The following DLGAP1 variants were observed in gnomAD, a reference collection of about 807,000 sequenced individuals.
DLGAP1 encodes the protein disks large-associated protein 1.
DLGAP1 carries 11 observed loss-of-function variants against 90.8 expected under a neutral mutation model. The observed-to-expected ratio is 0.12, with a 90% CI of 0.08 to 0.20. The LOEUF (loss-of-function observed/expected upper bound fraction) is 0.20, where lower values mean the gene tolerates loss of function less well. DLGAP1 is among the 10% of genes least tolerant of loss of function. The pLI, the probability that DLGAP1 is intolerant of heterozygous loss-of-function variation, is 1.00. For missense variants in DLGAP1, 1,050 were observed against 1,333.8 expected, an observed-to-expected ratio of 0.79 and a Z score of 3.31; for synonymous variants, 558 against 540.7, an observed-to-expected ratio of 1.03 and a Z score of -0.44.
intron 7 of DLGAP1, among the ~76,000 whole-genome samples, chr18:3,702,589 G>A (rs912584331): frequency 1.3e-5 from 2 of 152,170 alleles, no homozygotes; most frequent in Non-Finnish European, 2.9e-5. Flanking sequence ...TGAGAGACAG[G>A]GGAGCGAGGC....
At chr18:3,909,651 T>C (rs917834890) in intron 3 of DLGAP1, among the ~76,000 whole-genome samples, 4 of 152,204 alleles carry the variant, frequency 2.6e-5, no homozygotes, top group African/African-American at 9.6e-5. Context: ...AAATAAATAG[T>C]GCAACAGTCA....
chr18:3,588,650 T>C (rs1339256684), intron 7 of DLGAP1, among the ~76,000 whole-genome samples: 1 of 144,820 alleles, frequency 6.9e-6, no homozygotes. Flanking sequence ...CGTGGTGGTG[T>C]GTGCCTGTAT....
chr18:3,502,264 C>A, intron 12 of DLGAP1: 2 of 1,338,386 alleles, frequency 1.5e-6, no homozygotes, highest in African/African-American at 1.5e-5. Flanking sequence ...AGCCACATTC[C>A]CATTTTCCAA....
At chr18:3,537,538 C>A (rs1337182996) in intron 9 of DLGAP1, among the ~76,000 whole-genome samples, 1 of 152,136 alleles carries the variant, frequency 6.6e-6, no homozygotes, top group Non-Finnish European at 1.5e-5. Context: ...TTGCTTTCAC[C>A]TTTTGGCTAT....
intron 1 of DLGAP1, among the ~76,000 whole-genome samples, chr18:4,226,928 A>C (rs1392057950): frequency 6.6e-6 from 1 of 151,894 alleles, no homozygotes; most frequent in Non-Finnish European, 1.5e-5. Flanking sequence ...TGAATAGATA[A>C]AATTTTTTAA....
chr18:3,699,968 C>T (rs896784648), intron 7 of DLGAP1, among the ~76,000 whole-genome samples: 4 of 152,170 alleles, frequency 2.6e-5, no homozygotes, highest in Admixed American at 6.5e-5. Flanking sequence ...GTGGACGCCC[C>T]GCCCCTGACC....
intron 3 of DLGAP1, among the ~76,000 whole-genome samples, chr18:3,965,311 C>A (rs73940357): frequency 2.6e-5 from 4 of 152,004 alleles, no homozygotes; most frequent in African/African-American, 9.7e-5. Context: ...TAATGTTTTG[C>A]AAAAAATAAG....
At position 3,664,217 on chromosome 18, in the gene DLGAP1, CCCA is replaced by C. The variant is rs1567923498; in HGVS notation, c.1591+64915_1591+64917del. On this transcript the variant is annotated intron_variant, in intron 7 of 12. Coordinates refer to ENST00000315677, the MANE Select transcript of DLGAP1 (RefSeq NM_004746.4). The stretch of plus-strand genomic sequence containing the variant: ...ACACACACACACACACACACACACA[CCCA>C]CACACACACACACACACGGATATAC... 4.4e-3 allele frequency among the ~76,000 whole-genome samples: 377 copies of C among 86,234 alleles called. 2 individuals carry two copies. The highest frequency in any genetic ancestry group is 0.021 in the African/African-American group (353 of 16,612). 56.6% of individuals were successfully genotyped at this position (86,234 alleles called of 152,430 possible).
intron 1 of DLGAP1, among the ~76,000 whole-genome samples, chr18:4,313,625 A>G (rs1468647101): frequency 6.6e-6 from 1 of 152,196 alleles, no homozygotes. Flanking sequence ...TGCCCTGCAA[A>G]TAGGCTCTGG....
At chr18:4,108,870 T>C (rs1314339902) in intron 2 of DLGAP1, among the ~76,000 whole-genome samples, 3 of 152,214 alleles carry the variant, frequency 2.0e-5, no homozygotes, top group African/African-American at 4.8e-5. Flanking sequence ...GAGAAACCTA[T>C]TTCTACCTCC....
At chr18:4,373,226 C>T (rs2081952424) in intron 1 of DLGAP1, among the ~76,000 whole-genome samples, 1 of 151,980 alleles carries the variant, frequency 6.6e-6, no homozygotes. Context: ...AATAAAACAG[C>T]TACAGTAATA....
chr18:4,159,241 G>A (rs1019089478), intron 1 of DLGAP1, among the ~76,000 whole-genome samples: 65 of 152,166 alleles, frequency 4.3e-4, no homozygotes, highest in African/African-American at 1.4e-3. Context: ...TATACAGTGT[G>A]AAACTGATCG....
intron 9 of DLGAP1, among the ~76,000 whole-genome samples, chr18:3,566,011 T>C (rs2054408341): frequency 6.6e-6 from 1 of 152,188 alleles, no homozygotes; most frequent in East Asian, 1.9e-4. Flanking sequence ...CACCTAACAT[T>C]GTATCATGGG....
At chr18:4,079,834 A>G (rs1040545066) in intron 2 of DLGAP1, among the ~76,000 whole-genome samples, 6 of 152,012 alleles carry the variant, frequency 3.9e-5, no homozygotes, top group African/African-American at 1.2e-4. Flanking sequence ...AGGGGGAAAA[A>G]TCCTGCTTAC....
chr18:3,772,746 G>A (rs1478730448), intron 5 of DLGAP1, among the ~76,000 whole-genome samples: 1 of 151,876 alleles, frequency 6.6e-6, no homozygotes, highest in African/African-American at 2.4e-5. Flanking sequence ...CAGTGGCATT[G>A]GCACCCCCTG....
chr18:4,157,926 G>A (rs992864345), intron 1 of DLGAP1, among the ~76,000 whole-genome samples: 1 of 152,106 alleles, frequency 6.6e-6, no homozygotes, highest in African/African-American at 2.4e-5. Flanking sequence ...AGATGACCAC[G>A]GGAGCCTATT....
rs144189474 is a variant in DLGAP1, at chr18:4,219,138, T to G, written c.-266-67851A>C. Among the ~76,000 whole-genome samples, 28 of 151,010 alleles carry G rather than the reference T, an allele frequency of 1.9e-4. No individual in the cohort carries two copies. In the East Asian group the frequency reaches 5.5e-3, roughly 30 times the overall value. ...CTTTTTCTCCACACCCTTGTCAACA[T>G]GTTATCTTTTGTCTTTTTGTTAATA... is the stretch of plus-strand genomic sequence containing the variant. On this transcript the variant is annotated intron_variant, in intron 1 of 12. Transcript: ENST00000315677.
intron 10 of DLGAP1, among the ~76,000 whole-genome samples, chr18:3,523,664 G>T (rs370945487): frequency 1.3e-5 from 2 of 151,950 alleles, no homozygotes; most frequent in South Asian, 2.1e-4. Flanking sequence ...TGGCTAACAC[G>T]GTGAAACCCC....
At chr18:3,998,768 C>A (rs2074120206) in intron 3 of DLGAP1, among the ~76,000 whole-genome samples, 1 of 151,986 alleles carries the variant, frequency 6.6e-6, no homozygotes, top group South Asian at 2.1e-4. Flanking sequence ...TACACATGTG[C>A]AACAGTCTCG....
Sources: gnomAD v4.1 joint callset for allele counts (sites outside exome capture counted in the v4.1 genomes callset) on GRCh38, gnomAD v4.1.1 for gene constraint, MANE v1.5 for transcripts, NCBI Gene and HGNC (gene_info 2026-07-23, HGNC 2026-07-21) for gene names.